Variants in CEP63 observed in about 807,000 individuals in gnomAD.
CEP63 encodes the protein centrosomal protein of 63 kDa.
A neutral mutation model predicts 89.1 loss-of-function variants in CEP63; 84 were observed. The observed-to-expected ratio is 0.94, with a 90% CI of 0.79 to 1.13. The LOEUF is 1.13. Among genes scored for constraint, CEP63 ranks in the 50% most tolerant of loss-of-function variants. The pLI is 0.00. For missense variants in CEP63, 838 were observed against 813.3 expected (o/e 1.03, Z -0.37); for synonymous variants, 267 against 272.5 (o/e 0.98, Z 0.20).
chr3:134,607,388 T>G, the CEP63 span: 1 of 985,550 alleles, frequency 1.0e-6, no homozygotes, highest in Non-Finnish European at 1.2e-6. Flanking sequence ...CCCTGCAATG[T>G]GGGTTGGAGC....
At chr3:134,553,210 TACTGGGGTGGAAGA>T (rs2109930345) in intron 12 of CEP63, 1 of 152,284 alleles carries the variant, frequency 6.6e-6, no homozygotes, top group East Asian at 1.9e-4. Flanking sequence ...GGATTGTGGA[TACTGGGGTGGAAGA>T]ACATGCAAAA....
chr3:134,554,714 T>G (rs1427182728), intron 12 of CEP63, among the ~76,000 whole-genome samples: 1 of 152,164 alleles, frequency 6.6e-6, no homozygotes, highest in Non-Finnish European at 1.5e-5. Flanking sequence ...TGTAAAAGTG[T>G]TCCTATTTCT....
the CEP63 span, among the ~76,000 whole-genome samples, chr3:134,665,143 T>C: frequency 6.6e-6 from 1 of 152,076 alleles, no homozygotes; most frequent in Non-Finnish European, 1.5e-5. Flanking sequence ...ACTGGCTTCT[T>C]CTCCCCATCT....
At chr3:134,493,558 GT>G (rs1490304928) in intron 1 of CEP63, among the ~76,000 whole-genome samples, 1 of 151,998 alleles carries the variant, frequency 6.6e-6, no homozygotes, top group African/African-American at 2.4e-5. Flanking sequence ...TCCCTGTCAC[GT>G]TTGTGCACAA....
chr3:134,740,373 C>T, the CEP63 span, among the ~76,000 whole-genome samples: 1 of 151,972 alleles, frequency 6.6e-6, no homozygotes, highest in South Asian at 2.1e-4. Flanking sequence ...TCTCAGCTCA[C>T]TGCAAGCTCC....
chr3:134,624,246 C>T, the CEP63 span, among the ~76,000 whole-genome samples: 3,077 of 152,292 alleles, frequency 0.02, 36 homozygotes, highest in Non-Finnish European at 0.028. Flanking sequence ...CAGGATTGGC[C>T]TTTCCACTCC....
the CEP63 span, among the ~76,000 whole-genome samples, chr3:134,724,061 G>A: frequency 1.3e-5 from 2 of 152,104 alleles, no homozygotes; most frequent in African/African-American, 4.8e-5. Context: ...AAGGGAGTGG[G>A]GTGAGATTGC....
At chr3:134,686,884 T>C in the CEP63 span, among the ~76,000 whole-genome samples, 1 of 152,168 alleles carries the variant, frequency 6.6e-6, no homozygotes, top group African/African-American at 2.4e-5. Flanking sequence ...ATGTACAATA[T>C]GACTTGCACT....
chr3:134,743,697 C>G, the CEP63 span, among the ~76,000 whole-genome samples: 1 of 152,142 alleles, frequency 6.6e-6, no homozygotes, highest in African/African-American at 2.4e-5. Context: ...TCTTCACCTA[C>G]CCATTCGTGA....
At chr3:134,525,548 T>G (rs7648990) in intron 3 of CEP63, among the ~76,000 whole-genome samples, 100,165 of 151,982 alleles carry the variant, frequency 0.66, 33,401 homozygotes, top group East Asian at 0.81. Flanking sequence ...TTGATATGTA[T>G]GGATTTGATT....
chr3:134,510,042 T>G (rs1342685543), intron 3 of CEP63, among the ~76,000 whole-genome samples: 1 of 152,170 alleles, frequency 6.6e-6, no homozygotes, highest in Non-Finnish European at 1.5e-5. Flanking sequence ...TCATGTGTTT[T>G]GGAGAGGGAG....
the CEP63 span, among the ~76,000 whole-genome samples, chr3:134,613,623 G>T: frequency 6.6e-6 from 1 of 152,182 alleles, no homozygotes; most frequent in African/African-American, 2.4e-5. Context: ...GGAGAAGCTG[G>T]GAAGGCTGTG....
At chr3:134,727,621 C>T in the CEP63 span, among the ~76,000 whole-genome samples, 1 of 152,294 alleles carries the variant, frequency 6.6e-6, no homozygotes, top group South Asian at 2.1e-4. Context: ...TATAAATAAA[C>T]TCCTTGTTGT....
rs1957447649 is a variant in CEP63, at chr3:134,562,552, A to G, written c.*1017A>G. 1 of 151,942 alleles carries G rather than the reference A, an allele frequency of 6.6e-6. No individual in the cohort carries two copies. The highest frequency in any genetic ancestry group is 2.4e-5 in the African/African-American group (1 of 41,324). 9.4% of individuals were successfully genotyped at this position (151,942 alleles called of 1,614,324 possible). A position where few individuals can be genotyped will look rare whatever the true frequency, so the allele number is the denominator to read the frequency against. On this transcript the variant is annotated 3_prime_UTR_variant, in exon 15 of 15. Coordinates refer to ENST00000675561, the MANE Select transcript of CEP63 (RefSeq NM_001353108.3). ...TTAAATAAAACCTCAGTTTTTTTTA[A>G]TGCCTCTCTTTTACTGCTCTGTATG... is the stretch of plus-strand genomic sequence containing the variant.
At chr3:134,566,339 A>T (rs1379800477), downstream of CEP63, among the ~76,000 whole-genome samples, 1 of 152,086 alleles carries the variant, frequency 6.6e-6, no homozygotes, top group African/African-American at 2.4e-5. Context: ...ATAGTAATAT[A>T]ATAATATTAA....
At chr3:134,751,599 T>C in the CEP63 span, among the ~76,000 whole-genome samples, 1 of 152,148 alleles carries the variant, frequency 6.6e-6, no homozygotes, top group African/African-American at 2.4e-5. Context: ...CACTCATAGA[T>C]GGTGGGAGAT....
chr3:134,689,950 G>T, the CEP63 span, among the ~76,000 whole-genome samples: 1 of 152,160 alleles, frequency 6.6e-6, no homozygotes, highest in Admixed American at 6.5e-5. Flanking sequence ...TTGCCTGACA[G>T]AATTTTTGCA....
chr3:134,559,429 G>A lies in CEP63; in HGVS notation c.1953G>A (p.Ser651=), dbSNP rs1956936679. Residue 651 remains serine, a splice_region_variant and synonymous_variant, in exon 14 of 15, where the codon TCG becomes TCA. Coordinates refer to ENST00000675561, the MANE Select transcript of CEP63 (RefSeq NM_001353108.3). ...SMNDQEEFIS[S]CSLPVSPLGS... The stretch of plus-strand genomic sequence containing the variant: ...ATGACCAAGAAGAGTTTATATCTTC[G>A]GTATGGAAACTTTCTGATCTTAGTA... 1 of 1,610,820 alleles carries A rather than the reference G, an allele frequency of 6.2e-7. No homozygotes were observed. The highest frequency in any genetic ancestry group is 1.3e-5 in the African/African-American group (1 of 74,852).
At chr3:134,672,791 GCC>G in the CEP63 span, among the ~76,000 whole-genome samples, 2 of 152,104 alleles carry the variant, frequency 1.3e-5, no homozygotes, top group Non-Finnish European at 2.9e-5. Context: ...TGGATACCTG[GCC>G]CCTTGCCCCA....
Sources: gnomAD v4.1 joint callset for allele counts (sites outside exome capture counted in the v4.1 genomes callset) on GRCh38, gnomAD v4.1.1 for gene constraint, MANE v1.5 for transcripts, NCBI Gene and HGNC (gene_info 2026-07-23, HGNC 2026-07-21) for gene names.